Variants in FAF2 observed in about 807,000 individuals in gnomAD.
FAF2 encodes Fas associated factor family member 2.
Under a neutral mutation model 62.3 loss-of-function variants are expected in FAF2, and 9 were observed. That is an observed-to-expected ratio of 0.14 (90% CI 0.09 to 0.25). The LOEUF (loss-of-function observed/expected upper bound fraction) is 0.25, where lower values mean the gene tolerates loss of function less well. Ranked by LOEUF, FAF2 falls within the 10% of genes least tolerant of loss-of-function variation. The probability of loss-of-function intolerance (pLI) is 1.00; values close to 1 mark genes in which losing one functional copy is unlikely to be tolerated. For synonymous variants in FAF2, 202 were observed against 198.0 expected, an observed-to-expected ratio of 1.02 and a Z score of -0.17; for missense variants, 368 against 556.2, an observed-to-expected ratio of 0.66 and a Z score of 3.40.
intron 3 of FAF2, among the ~76,000 whole-genome samples, chr5:176,488,122 T>C (rs1212907363): frequency 2.0e-5 from 3 of 152,046 alleles, no homozygotes; most frequent in African/African-American, 7.2e-5. Context: ...GGAGTACAAG[T>C]GTGAGCCACC....
chr5:176,506,666 T>G, intron 10 of FAF2, 102 bp from the exon 11 acceptor site: 1 of 880,700 alleles, frequency 1.1e-6, no homozygotes, highest in Admixed American at 2.1e-5. Context: ...CTGGGGAGAG[T>G]TGGGGTATAT....
intron 1 of FAF2, among the ~76,000 whole-genome samples, chr5:176,463,871 AG>A (rs1392302706): frequency 6.6e-6 from 1 of 151,814 alleles, no homozygotes; most frequent in African/African-American, 2.4e-5. Context: ...CTAGGATTAC[AG>A]GTGCTCACCA....
rs541478687 is a variant in FAF2 at position 176,494,720 on chromosome 5, A to C, written c.661+445A>C. ...CAGGCATGCACCACCACGCCCAGCT[A>C]ATTTTTTTGTATTTTTAGTAGAGAT... On this transcript the variant is annotated intron_variant, in intron 7 of 10. Coordinates refer to ENST00000261942, the MANE Select transcript of FAF2 (RefSeq NM_014613.3). The surrounding 1 kb of genome is among the most constrained non-coding windows in gnomAD (Gnocchi z 4.0). Among the ~76,000 whole-genome samples the C allele has an allele frequency of 2.3e-4, 35 of 152,006 alleles. No homozygotes were observed. The highest frequency in any genetic ancestry group is 1.7e-3 in the South Asian group (8 of 4,816).
Position 176,507,205 on chromosome 5 carries a change from G to A in FAF2, c.*255G>A, listed in dbSNP as rs143232013. On this transcript the variant is annotated 3_prime_UTR_variant, in exon 11 of 11. Transcript: ENST00000261942. ...CCCGCTTGGCAAGCCCACCCTTCCT[G>A]TGGCCTCTGTGCACGCACCTTCCAG... 2.5e-4 allele frequency: 98 copies of A among 388,942 alleles called. No homozygotes were observed. The highest frequency in any genetic ancestry group is 1.8e-3 in the African/African-American group (87 of 47,486). 24.1% of individuals were successfully genotyped at this position (388,942 alleles called of 1,614,324 possible).
chr5:176,477,107 C>CTT (rs773244335), intron 1 of FAF2, among the ~76,000 whole-genome samples: 7 of 122,856 alleles, frequency 5.7e-5, no homozygotes, highest in East Asian at 2.5e-4. Context: ...CGTGCCCGGC[C>CTT]TTTTTTTTTT....
rs559657294 is a variant in FAF2, at chr5:176,494,115, T to C, written c.569+31T>C. The C allele has an allele frequency of 2.5e-6, 4 of 1,610,726 alleles. No homozygotes were observed. The South Asian group carries it at 3.3e-5, about 13-fold the overall frequency. On this transcript the variant is annotated intron_variant, in intron 6 of 10. Coordinates refer to ENST00000261942, the MANE Select transcript of FAF2 (RefSeq NM_014613.3). This position sits in a 1 kb window ranked among gnomAD's most constrained non-coding sequence, Gnocchi z 4.0. ...TGGATTGATTATTTTCCTTCTCTTT[T>C]CTGACTCTTTCTGGTGACAGTTTAT...
At chr5:176,450,806 G>C (rs1271612096) in intron 1 of FAF2, among the ~76,000 whole-genome samples, 1 of 152,190 alleles carries the variant, frequency 6.6e-6, no homozygotes, top group African/African-American at 2.4e-5. Context: ...GCCCTCCTCG[G>C]CTGGGATTAC....
At chr5:176,482,176 C>T (rs1207433645) in intron 2 of FAF2, among the ~76,000 whole-genome samples, 2 of 151,434 alleles carry the variant, frequency 1.3e-5, no homozygotes, top group Non-Finnish European at 2.9e-5. Context: ...AAGTCCTTTG[C>T]CAGTTCTTAA....
chr5:176,491,368 A>G (rs979865277), intron 4 of FAF2, among the ~76,000 whole-genome samples: 3 of 152,170 alleles, frequency 2.0e-5, no homozygotes, highest in African/African-American at 7.2e-5. Flanking sequence ...TCTTCACTTT[A>G]CAAGAGCTGC....
intron 8 of FAF2, chr5:176,496,937 T>C (rs1755504874): frequency 4.5e-6 from 1 of 222,440 alleles, no homozygotes; most frequent in Non-Finnish European, 8.7e-6. Flanking sequence ...GCAGGAGGAT[T>C]ACTTGAATCC....
At position 176,461,972 on chromosome 5, in the gene FAF2, G is replaced by A. The variant is rs190961950; in HGVS notation, c.63+13502G>A. ...ATTAATATTTTTAAACTTTACAGGG[G>A]TGTTAGAAGTAAGCATCAGAAAAGC... On this transcript the variant is annotated intron_variant, in intron 1 of 10. Coordinates refer to ENST00000261942, the MANE Select transcript of FAF2 (RefSeq NM_014613.3). Among the ~76,000 whole-genome samples, 126 of 152,180 alleles carry A rather than the reference G, an allele frequency of 8.3e-4. 1 individual carries two copies. Among genetic ancestry groups the A allele is most frequent in the African/African-American group, 2.9e-3 (121 of 41,520 alleles).
At chr5:176,472,254 C>T (rs559161432) in intron 1 of FAF2, among the ~76,000 whole-genome samples, 1 of 152,068 alleles carries the variant, frequency 6.6e-6, no homozygotes, top group East Asian at 1.9e-4. Flanking sequence ...TCAAGCGATT[C>T]TCCTGCCTCA....
intron 1 of FAF2, among the ~76,000 whole-genome samples, chr5:176,464,910 CAG>C (rs919556340): frequency 7.3e-5 from 11 of 151,704 alleles, no homozygotes; most frequent in Admixed American, 1.3e-4. Flanking sequence ...TTTTTTGAGA[CAG>C]AGTCTCGCTG....
intron 1 of FAF2, among the ~76,000 whole-genome samples, chr5:176,454,672 AATCTT>A (rs1474217272): frequency 1.3e-5 from 2 of 151,522 alleles, no homozygotes; most frequent in Non-Finnish European, 2.9e-5. Context: ...AAAGTAATCA[AATCTT>A]ATTTTATTTC....
rs1312907721 is a variant in FAF2, at chr5:176,476,954, C to T, written c.64-2234C>T. 1.0e-3 allele frequency among the ~76,000 whole-genome samples: 152 copies of T among 151,584 alleles called. 1 individual carries two copies. The highest frequency in any genetic ancestry group is 1.8e-3 in the Non-Finnish European group (119 of 67,900). ...CCTCCTGAGTAGCTGGGACTACAGG[C>T]GCCCACCACCATGCCCGGCTAATTT... is the stretch of plus-strand genomic sequence containing the variant. On this transcript the variant is annotated intron_variant, in intron 1 of 10. Coordinates refer to ENST00000261942, the MANE Select transcript of FAF2 (RefSeq NM_014613.3).
chr5:176,489,531 TC>T (rs1758935377), intron 4 of FAF2, among the ~76,000 whole-genome samples: 1 of 152,112 alleles, frequency 6.6e-6, no homozygotes, highest in South Asian at 2.1e-4. Flanking sequence ...ACCTTTTCTT[TC>T]TTTTTCTTTC....
rs1469043568 is a variant in FAF2 at position 176,479,858 on chromosome 5, G to A, written c.132+602G>A. On this transcript the variant is annotated intron_variant, in intron 2 of 10. Transcript: ENST00000261942. ...ATTACAGGCAGACACCACTGCACCC[G>A]GCTAATTTGTATTTTTAGTAGAGAC... Among the ~76,000 whole-genome samples, 6 of 152,156 alleles carry A rather than the reference G, an allele frequency of 3.9e-5. No homozygotes were observed. In the South Asian group the frequency reaches 6.2e-4, roughly 16 times the overall value.
intron 1 of FAF2, among the ~76,000 whole-genome samples, chr5:176,474,187 A>C (rs143013805): frequency 6.6e-6 from 1 of 152,156 alleles, no homozygotes; most frequent in Admixed American, 6.6e-5. Context: ...GATGTTTCCA[A>C]TTCTATCCAT....
In FAF2 at chr5:176,486,446, A is replaced by G. The variant is rs1252469805; in HGVS notation, c.224A>G (p.Asp75Gly). The G allele has an allele frequency of 1.9e-6, 3 of 1,614,032 alleles. No individual in the cohort carries two copies. In the East Asian group the frequency reaches 6.7e-5, roughly 36 times the overall value. The change falls in exon 3 of 11, where the codon GAC becomes GGC. Residue 75 changes from aspartate to glycine, a missense_variant. Around this residue, in one of 2 missense-constraint regions of FAF2, gnomAD observed 331 missense variants for 441.9 expected, o/e 0.75. Transcript: ENST00000261942. ...CGACCCCTGCAGGTTAATACAGCTG[A>G]CCACAGGATCTACAGCTATGTTGTC... ...PSRPLQVNTA[D>G]HRIYSYVVSR...
Sources: allele counts gnomAD v4.1 joint callset (sites outside exome capture counted in the v4.1 genomes callset), GRCh38; gene constraint gnomAD v4.1.1; regional missense constraint gnomAD v4.1.1; non-coding constraint Gnocchi (gnomAD v3.1); transcripts MANE v1.5; gene names NCBI Gene and HGNC (gene_info 2026-07-23, HGNC 2026-07-21).